CGNL1: variants seen among roughly 807,000 people sequenced by gnomAD.
The protein encoded by CGNL1 is cingulin like 1, also known as cingulin-like protein 1.
In CGNL1, 132 loss-of-function variants were observed where a neutral mutation model predicts 141.2. The ratio of observed to expected loss-of-function variants is 0.93; its 90% CI spans 0.81 to 1.08. The LOEUF is 1.08. Among genes scored for constraint, CGNL1 ranks in the 50% least tolerant of loss-of-function variants. The pLI is 0.00. For missense variants in CGNL1, 1,870 were observed against 1,588.6 expected, an observed-to-expected ratio of 1.18 and a Z score of -3.01; for synonymous variants, 690 against 622.1, an observed-to-expected ratio of 1.11 and a Z score of -1.63.
intron 10 of CGNL1, among the ~76,000 whole-genome samples, chr15:57,522,100 G>A (rs879914965): frequency 6.6e-6 from 1 of 152,170 alleles, no homozygotes; most frequent in Non-Finnish European, 1.5e-5. Flanking sequence ...CTGTGCTGGA[G>A]CACACTACTG....
At chr15:57,503,391 G>A (rs1161210849) in intron 8 of CGNL1, among the ~76,000 whole-genome samples, 2 of 152,218 alleles carry the variant, frequency 1.3e-5, no homozygotes, top group Non-Finnish European at 2.9e-5. Context: ...TGCAGTGCTT[G>A]TGGTCCAGTA....
rs1337351370 is a variant in CGNL1 at position 57,438,276 on chromosome 15, G to A, written c.277G>A (p.Val93Met). ...GCCTCTACATTCCAGCAATGGTTCT[G>A]TGCCAAAGGAGAACAGTGAAGAACT... ...NLPLHSSNGSVPKENSEELQL... is the reference protein window; with the variant it reads ...NLPLHSSNGSMPKENSEELQL... Residue 93 changes from valine to methionine, a missense_variant, in exon 2 of 19, where the codon GTG becomes ATG. Coordinates refer to ENST00000281282, the MANE Select transcript of CGNL1 (RefSeq NM_032866.5). 2 of 1,614,118 alleles carry A rather than the reference G, an allele frequency of 1.2e-6. No homozygotes were observed. The highest frequency in any genetic ancestry group is 1.7e-6 in the Non-Finnish European group (2 of 1,180,022).
intron 1 of CGNL1, among the ~76,000 whole-genome samples, chr15:57,384,068 G>A (rs1385392742): frequency 6.6e-6 from 1 of 151,864 alleles, no homozygotes; most frequent in Non-Finnish European, 1.5e-5. Flanking sequence ...TTTGGGGAGT[G>A]GGGTGGGTGG....
At chr15:57,487,146 G>T (rs957657037) in intron 8 of CGNL1, among the ~76,000 whole-genome samples, 1 of 152,162 alleles carries the variant, frequency 6.6e-6, no homozygotes, top group African/African-American at 2.4e-5. Context: ...GGAGTAGACA[G>T]TTTATTGTAT....
intron 6 of CGNL1, among the ~76,000 whole-genome samples, chr15:57,452,964 T>TTA (rs1228886808): frequency 6.6e-6 from 1 of 152,158 alleles, no homozygotes; most frequent in Non-Finnish European, 1.5e-5. Context: ...ATGGTGGTGT[T>TTA]TTGCGTTTAA....
At chr15:57,539,416 T>C (rs1413355359) in intron 14 of CGNL1, among the ~76,000 whole-genome samples, 1 of 152,022 alleles carries the variant, frequency 6.6e-6, no homozygotes, top group Non-Finnish European at 1.5e-5. Flanking sequence ...GACACTCCCT[T>C]CTCGATGTCC....
chr15:57,482,961 AT>A (rs1169152358), intron 8 of CGNL1, among the ~76,000 whole-genome samples: 3 of 151,916 alleles, frequency 2.0e-5, no homozygotes, highest in African/African-American at 7.2e-5. Flanking sequence ...ATTTTTTTGT[AT>A]TTTTAATAGA....
At chr15:57,379,749 CT>C (rs1359477740) in intron 1 of CGNL1, among the ~76,000 whole-genome samples, 2 of 151,766 alleles carry the variant, frequency 1.3e-5, no homozygotes, top group Non-Finnish European at 2.9e-5. Flanking sequence ...CAAGTGCTTA[CT>C]TTTTTCAGGC....
chr15:57,524,441 T>G (rs1338422092), intron 11 of CGNL1, 140 bp from the exon 12 acceptor site: 5 of 782,604 alleles, frequency 6.4e-6, no homozygotes, highest in Non-Finnish European at 1.0e-5. Flanking sequence ...CCTGGCTGAC[T>G]CAGGATCAGG....
intron 8 of CGNL1, among the ~76,000 whole-genome samples, chr15:57,478,683 G>A (rs1442142701): frequency 6.6e-6 from 1 of 152,184 alleles, no homozygotes; most frequent in Non-Finnish European, 1.5e-5. Flanking sequence ...CTGTCACCCA[G>A]GCTGTAGTGC....
At chr15:57,452,361 A>G (rs1192116337) in intron 6 of CGNL1, 72 bp downstream of exon 6, 28 of 1,347,428 alleles carry the variant, frequency 2.1e-5, no homozygotes, top group Non-Finnish European at 2.7e-5. Context: ...CTTTCTGTCC[A>G]TTTAATACTA....
intron 8 of CGNL1, among the ~76,000 whole-genome samples, chr15:57,485,467 A>C (rs1160611352): frequency 2.6e-5 from 4 of 152,228 alleles, no homozygotes; most frequent in Non-Finnish European, 5.9e-5. Context: ...CTAGTTGGAC[A>C]AGTTATCTTT....
chr15:57,546,039 T>G (rs779816691), intron 17 of CGNL1, 37 bp from the exon 18 acceptor site: 1 of 1,590,984 alleles, frequency 6.3e-7, no homozygotes, highest in East Asian at 2.2e-5. Flanking sequence ...GGCTGGGCCA[T>G]CAGCCGGCAC....
chr15:57,547,663 C>A lies in CGNL1; in HGVS notation c.*173C>A. 1 of 660,834 alleles carries A rather than the reference C, an allele frequency of 1.5e-6. No homozygotes were observed. The highest frequency in any genetic ancestry group is 1.8e-5 in the African/African-American group (1 of 54,428). 40.9% of individuals were successfully genotyped at this position (660,834 alleles called of 1,614,324 possible). On this transcript the variant is annotated 3_prime_UTR_variant, in exon 19 of 19. Coordinates refer to ENST00000281282, the MANE Select transcript of CGNL1 (RefSeq NM_032866.5). ...TCGCCAGGGTCTCTCAGTGGGTCTT[C>A]GACAGAGAGCTTTTGCAGTTTAAAA...
intron 1 of CGNL1, among the ~76,000 whole-genome samples, chr15:57,387,184 T>C (rs1382863140): frequency 6.6e-6 from 1 of 152,214 alleles, no homozygotes; most frequent in Non-Finnish European, 1.5e-5. Context: ...TAAATGTATT[T>C]CATGCAATAG....
intron 8 of CGNL1, among the ~76,000 whole-genome samples, chr15:57,497,051 G>A (rs1277675058): frequency 6.6e-6 from 1 of 152,310 alleles, no homozygotes; most frequent in East Asian, 1.9e-4. Flanking sequence ...CCCCAGGAAT[G>A]GGAGTCTGAC....
At chr15:57,505,154 G>A (rs1441315727) in intron 8 of CGNL1, among the ~76,000 whole-genome samples, 1 of 152,110 alleles carries the variant, frequency 6.6e-6, no homozygotes, top group Non-Finnish European at 1.5e-5. Context: ...CCTCCTTCAA[G>A]GCCTCTGTAT....
intron 8 of CGNL1, among the ~76,000 whole-genome samples, chr15:57,496,406 A>G (rs2063938541): frequency 6.6e-6 from 1 of 152,148 alleles, no homozygotes; most frequent in African/African-American, 2.4e-5. Flanking sequence ...CCCTATTGTT[A>G]ACTGTGCATG....
intron 8 of CGNL1, among the ~76,000 whole-genome samples, chr15:57,463,634 C>A (rs2063473450): frequency 6.6e-6 from 1 of 152,332 alleles, no homozygotes. Context: ...ACTTTCCTTA[C>A]AAAACCAAAT....
Sources: gnomAD v4.1 joint callset for allele counts (sites outside exome capture counted in the v4.1 genomes callset) on GRCh38, gnomAD v4.1.1 for gene constraint, MANE v1.5 for transcripts, NCBI Gene and HGNC (gene_info 2026-07-23, HGNC 2026-07-21) for gene names.